Variants in WDR86 observed in about 807,000 individuals in gnomAD.
The protein encoded by WDR86 is WD repeat domain 86.
A neutral mutation model predicts 36.5 loss-of-function variants in WDR86; 30 were observed. That is an observed-to-expected ratio of 0.82 (90% confidence interval 0.61 to 1.11). The LOEUF (loss-of-function observed/expected upper bound fraction) is 1.11, where lower values mean the gene tolerates loss of function less well. WDR86 is among the 50% of genes most tolerant of loss of function. The pLI is 0.00. For missense variants in WDR86, 545 were observed against 561.2 expected, an observed-to-expected ratio of 0.97 and a Z score of 0.29; for synonymous variants, 255 against 252.9, an observed-to-expected ratio of 1.01 and a Z score of -0.08.
Position 151,409,222 on chromosome 7 carries a change from C to G in WDR86, c.163+205G>C, listed in dbSNP as rs921335190. The G allele has an allele frequency of 2.3e-6, 2 of 859,126 alleles. No individual in the cohort carries two copies. The highest frequency in any genetic ancestry group is 1.6e-5 in the South Asian group (1 of 60,738). 53.2% of individuals were successfully genotyped at this position (859,126 alleles called of 1,614,324 possible). A position where few individuals can be genotyped will look rare whatever the true frequency, so the allele number is the denominator to read the frequency against. On this transcript the variant is annotated intron_variant, in intron 1 of 5. Coordinates refer to ENST00000334493, the MANE Select transcript of WDR86 (RefSeq NM_198285.3). The surrounding 1 kb of genome is among the most constrained non-coding windows in gnomAD (Gnocchi z 5.2). Reference sequence around the variant, plus strand: ...TCCCGGCCGCACCCTGCTCTGCACCCGCACCCCACCCCCAGACCTCACCCT... The same window carrying G: ...TCCCGGCCGCACCCTGCTCTGCACCGGCACCCCACCCCCAGACCTCACCCT...
chr7:151,371,654 C>T (rs780740026), downstream of WDR86, among the ~76,000 whole-genome samples: 2 of 152,196 alleles, frequency 1.3e-5, no homozygotes, highest in African/African-American at 2.4e-5. Flanking sequence ...GAGCTCCTAT[C>T]GGAGCTTTAG....
Position 151,395,977 on chromosome 7 carries a change from G to A in WDR86, c.525C>T (p.Ala175=). 1.3e-6 allele frequency: 2 copies of A among 1,597,216 alleles called. No individual in the cohort carries two copies. The highest frequency in any genetic ancestry group is 8.5e-7 in the Non-Finnish European group (1 of 1,173,896). The part of the protein sequence containing the change: ...LLVTGSTDGT[A]KVWQVASGCC... ...AGCCGCTGGCCACCTGCCACACCTT[G>A]GCTGTGCCATCTGTGCTGCCGGTCA... Residue 175 remains alanine (A), a synonymous_variant, in exon 3 of 6, where the codon GCC becomes GCT. Transcript: ENST00000334493.
At chr7:151,395,600 G>A (rs898669631) in intron 3 of WDR86, among the ~76,000 whole-genome samples, 176 bp downstream of exon 3, 2 of 152,090 alleles carry the variant, frequency 1.3e-5, no homozygotes, top group African/African-American at 2.4e-5. Flanking sequence ...CCAGTACTGC[G>A]GACCCCTTAT....
In WDR86 at chr7:151,381,963, TC is replaced by T; in HGVS notation, c.880del (p.Asp294ThrfsTer158). On this transcript the variant is annotated frameshift_variant, in exon 5 of 6. Transcript: ENST00000334493. LOFTEE classifies it high-confidence loss of function. This position sits in a 1 kb window ranked among gnomAD's most constrained non-coding sequence, Gnocchi z 4.8. ...HAGTLFTGSG[D>X]ACARAFDAQS... ...CGCGTCGAAGGCCCGGGCGCAAGCG[TC>T]CCCGCTGCCCGTGAACACTGCGGAC... 1 of 1,604,650 alleles carries T rather than the reference TC, an allele frequency of 6.2e-7. No individual in the cohort carries two copies. The highest frequency in any genetic ancestry group is 8.5e-7 in the Non-Finnish European group (1 of 1,176,558).
At chr7:151,377,086 A>C, downstream of WDR86, 1 of 1,578,458 alleles carries the variant, frequency 6.3e-7, no homozygotes, top group Non-Finnish European at 8.6e-7. Flanking sequence ...ATGGAGACAG[A>C]GGCCGTCAAT....
intron 3 of WDR86, among the ~76,000 whole-genome samples, chr7:151,386,316 G>A (rs1363592324): frequency 3.3e-5 from 5 of 152,166 alleles, no homozygotes; most frequent in African/African-American, 7.2e-5. Context: ...TCCACGACCC[G>A]GGCCACAGCC....
At chr7:151,372,537 T>C (rs546706577), downstream of WDR86, among the ~76,000 whole-genome samples, 11 of 152,250 alleles carry the variant, frequency 7.2e-5, no homozygotes, top group East Asian at 1.7e-3. Context: ...ATGGGGCCAG[T>C]AAAGGCATTT....
At chr7:151,384,440 G>A (rs1486889602) in intron 4 of WDR86, among the ~76,000 whole-genome samples, 3 of 152,216 alleles carry the variant, frequency 2.0e-5, no homozygotes, top group African/African-American at 4.8e-5. Flanking sequence ...TAGAAGACGC[G>A]TCCTTTCGCC....
In WDR86 at chr7:151,400,861, A is replaced by G. The variant is rs73474484; in HGVS notation, c.164-620T>C. Among the ~76,000 whole-genome samples, 1,471 of 152,324 alleles carry G rather than the reference A, an allele frequency of 9.7e-3. 26 individuals are homozygous for G. The highest frequency in any genetic ancestry group is 0.033 in the African/African-American group (1,385 of 41,572). On this transcript the variant is annotated intron_variant, in intron 1 of 5. Coordinates refer to ENST00000334493, the MANE Select transcript of WDR86 (RefSeq NM_198285.3). ...ATTCGCACTGCAGGCAAGCTCATTC[A>G]AGCAAAGCTATCTTCAGTAGGGACT...
chr7:151,370,414 G>A, the WDR86 span, among the ~76,000 whole-genome samples: 1 of 152,122 alleles, frequency 6.6e-6, no homozygotes, highest in Admixed American at 6.6e-5. Context: ...GTGTGTTTGA[G>A]TTTTACATGG....
intron 2 of WDR86, among the ~76,000 whole-genome samples, chr7:151,397,697 G>GCA (rs1563059244): frequency 5.3e-4 from 44 of 83,386 alleles, no homozygotes; most frequent in African/African-American, 7.9e-4. Context: ...GGAAGAGGGT[G>GCA]TAGTGGGAGG....
chr7:151,402,070 A>AAAAAAAAATATATATAT, intron 1 of WDR86, among the ~76,000 whole-genome samples: 5 of 50,554 alleles, frequency 9.9e-5, no homozygotes, highest in African/African-American at 1.2e-4. Context: ...AAAAAAAAAA[A>AAAAAAAAATATATATAT]ATATATATAT....
the WDR86 span, among the ~76,000 whole-genome samples, chr7:151,370,308 C>T: frequency 3.3e-5 from 5 of 152,016 alleles, no homozygotes; most frequent in Admixed American, 1.3e-4. Context: ...AGGCTGGTCT[C>T]GAACTCCTGA....
downstream of WDR86, among the ~76,000 whole-genome samples, chr7:151,379,247 C>T (rs772653105): frequency 1.1e-4 from 16 of 152,076 alleles, no homozygotes; most frequent in South Asian, 1.5e-3. Context: ...CTGATCACAG[C>T]GGGGAGGTTG....
At chr7:151,372,725 C>T (rs1391171522), downstream of WDR86, among the ~76,000 whole-genome samples, 1 of 151,940 alleles carries the variant, frequency 6.6e-6, no homozygotes, top group South Asian at 2.1e-4. Flanking sequence ...GGGAGGTGGT[C>T]AGGAGCTGCT....
downstream of WDR86, among the ~76,000 whole-genome samples, chr7:151,379,045 T>C (rs1414558094): frequency 6.6e-6 from 1 of 151,700 alleles, no homozygotes; most frequent in East Asian, 1.9e-4. Context: ...GGTGCTGAGG[T>C]TGGAGGAGAG....
chr7:151,374,282 C>T, downstream of WDR86: 3 of 1,548,822 alleles, frequency 1.9e-6, no homozygotes, highest in Non-Finnish European at 2.6e-6. Flanking sequence ...TGTCCCTGAG[C>T]AGTGGGTCCT....
chr7:151,397,950 C>G (rs1220075377), intron 2 of WDR86, among the ~76,000 whole-genome samples: 2 of 151,948 alleles, frequency 1.3e-5, no homozygotes, highest in Non-Finnish European at 2.9e-5. Flanking sequence ...TCGGTGACCC[C>G]AAAGCTCACA....
rs569659452 is a variant in WDR86 at position 151,381,788 on chromosome 7, G to T, written c.967-42C>A. ...GGGCGTCACCGGTGACGCGGTAGGCGGGGGGGACACCGCTGCCCGCGTGGA... is the reference window on the plus strand; with the variant it reads ...GGGCGTCACCGGTGACGCGGTAGGCTGGGGGGACACCGCTGCCCGCGTGGA... On this transcript the variant is annotated intron_variant, in intron 5 of 5. Coordinates refer to ENST00000334493, the MANE Select transcript of WDR86 (RefSeq NM_198285.3). The surrounding 1 kb of genome is among the most constrained non-coding windows in gnomAD (Gnocchi z 4.8). 1.3e-6 allele frequency: 2 copies of T among 1,486,516 alleles called. No homozygotes were observed. Among genetic ancestry groups the T allele is most frequent in the African/African-American group, 1.4e-5 (1 of 70,768 alleles). The allele number at this position is 1,486,516 out of a possible 1,614,324, so 92.1% of individuals were successfully genotyped here.
Sources: gnomAD v4.1 joint callset for allele counts (sites outside exome capture counted in the v4.1 genomes callset) on GRCh38, gnomAD v4.1.1 for gene constraint, Gnocchi (gnomAD v3.1) non-coding constraint, MANE v1.5 for transcripts, NCBI Gene and HGNC (gene_info 2026-07-23, HGNC 2026-07-21) for gene names.